Variants in SLC29A3 observed in about 807,000 individuals in gnomAD.
The protein encoded by SLC29A3 is equilibrative nucleoside transporter 3.
A neutral mutation model predicts 25.4 loss-of-function variants in SLC29A3; 18 were observed. The observed-to-expected ratio is 0.71, with a 90% CI of 0.49 to 1.05. The LOEUF (loss-of-function observed/expected upper bound fraction) is 1.05, where lower values mean the gene tolerates loss of function less well. SLC29A3 is among the 50% of genes least tolerant of loss of function. The pLI is 0.00. For synonymous variants in SLC29A3, 258 were observed against 267.1 expected, an observed-to-expected ratio of 0.97 and a Z score of 0.33; for missense variants, 586 against 609.0, an observed-to-expected ratio of 0.96 and a Z score of 0.40.
intron 1 of SLC29A3, among the ~76,000 whole-genome samples, chr10:71,322,236 G>A (rs3893272): frequency 0.042 from 6,351 of 151,950 alleles, 441 homozygotes; most frequent in African/African-American, 0.15. Flanking sequence ...ATACATATGT[G>A]TATGTATATT....
intron 3 of SLC29A3, 135 bp from the exon 4 acceptor site, chr10:71,351,427 G>A: frequency 5.6e-6 from 4 of 708,100 alleles, no homozygotes; most frequent in South Asian, 3.6e-5. Flanking sequence ...CAGGATTCGA[G>A]TGCAGGCCTC....
chr10:71,361,461 C>A (rs1330253871), intron 5 of SLC29A3, among the ~76,000 whole-genome samples: 1 of 152,174 alleles, frequency 6.6e-6, no homozygotes, highest in Non-Finnish European at 1.5e-5. Flanking sequence ...CATGCCCGGC[C>A]TAGAATGTTA....
Position 71,362,327 on chromosome 10 carries a change from G to C in SLC29A3, c.1147G>C (p.Val383Leu), listed in dbSNP as rs200001297. ...GPNSKALPGFVLLRTCLIPLF... is the reference protein window; with the variant it reads ...GPNSKALPGFLLLRTCLIPLF... ...CAATAGCAAGGCGCTCCCAGGGTTC[G>C]TGCTCCTCCGGACCTGCCTCATCCC... Residue 383 changes from valine (V) to leucine (L), a missense_variant, in exon 6 of 6, where the codon GTG (valine) becomes CTG (leucine). Transcript: ENST00000373189. The C allele has an allele frequency of 1.1e-5, 18 of 1,613,998 alleles. No homozygotes were observed. The highest frequency in any genetic ancestry group is 1.4e-5 in the Non-Finnish European group (17 of 1,180,030).
intron 2 of SLC29A3, among the ~76,000 whole-genome samples, chr10:71,330,435 A>T (rs1357078229): frequency 6.6e-6 from 1 of 152,196 alleles, no homozygotes; most frequent in Non-Finnish European, 1.5e-5. Context: ...AAGTCACAGG[A>T]TATCTATTTG....
intron 4 of SLC29A3, among the ~76,000 whole-genome samples, chr10:71,379,095 C>G (rs1448976278): frequency 1.3e-5 from 2 of 152,186 alleles, no homozygotes; most frequent in East Asian, 1.9e-4. Flanking sequence ...ATGTTGCCCC[C>G]CAACGGGGAA....
At chr10:71,361,814 G>A (rs1399759793) in intron 5 of SLC29A3, 140 bp from the exon 6 acceptor site, 2 of 968,680 alleles carry the variant, frequency 2.1e-6, no homozygotes, top group Admixed American at 2.1e-5. Flanking sequence ...GTCATCTCAG[G>A]GAACGCTGGA....
chr10:71,365,399 CT>C (rs1248072242), downstream of SLC29A3: 1 of 152,000 alleles, frequency 6.6e-6, no homozygotes, highest in Non-Finnish European at 1.5e-5. Flanking sequence ...GGGGAATGGG[CT>C]TTCAAAGAAG....
intron 2 of SLC29A3, among the ~76,000 whole-genome samples, chr10:71,337,823 C>G (rs1455246978): frequency 1.3e-5 from 2 of 152,218 alleles, no homozygotes; most frequent in Admixed American, 1.3e-4. Context: ...CGGAGCCTCT[C>G]AGTGTGGCGG....
chr10:71,331,579 T>C (rs983879490), intron 2 of SLC29A3, among the ~76,000 whole-genome samples: 2 of 152,180 alleles, frequency 1.3e-5, no homozygotes, highest in African/African-American at 4.8e-5. Context: ...CAGAAAAAGA[T>C]GCAGACAGCT....
rs139819571 is a variant in SLC29A3, at chr10:71,372,691, G to T, written c.*95-3004G>T. On this transcript the variant is annotated intron_variant and NMD_transcript_variant, in intron 3 of 4. Transcript: ENST00000642772. ...TGTTCCAGTTGAGGCCTCAGGAACC[G>T]GAAAGTCTTTAATGAAGCTAATGCA... Among the ~76,000 whole-genome samples the T allele has an allele frequency of 2.5e-3, 381 of 152,276 alleles. 1 individual carries two copies. The highest frequency in any genetic ancestry group is 8.4e-3 in the African/African-American group (351 of 41,554).
At chr10:71,320,560 A>G (rs1486419612) in intron 1 of SLC29A3, among the ~76,000 whole-genome samples, 1 of 152,124 alleles carries the variant, frequency 6.6e-6, no homozygotes, top group Non-Finnish European at 1.5e-5. Context: ...ATGTGGAAAA[A>G]GCGATTTTCC....
chr10:71,367,433 A>G (rs577396666), downstream of SLC29A3, among the ~76,000 whole-genome samples: 113 of 152,228 alleles, frequency 7.4e-4, no homozygotes, highest in African/African-American at 2.7e-3. Context: ...AATAGGGATA[A>G]TAGTAAGTCC....
Position 71,375,051 on chromosome 10 carries a change from G to A in SLC29A3, c.*95-644G>A, listed in dbSNP as rs11597585. ...GGCGATAATGCAGAGGAGGAATAGC[G>A]CAGGTGGGAGTACAGAAGTAGCAGG... is the stretch of plus-strand genomic sequence containing the variant. On this transcript the variant is annotated intron_variant and NMD_transcript_variant, in intron 3 of 4. Transcript: ENST00000642772. Among the ~76,000 whole-genome samples the A allele has an allele frequency of 1.1e-3, 173 of 152,308 alleles. 1 individual carries two copies. The highest frequency in any genetic ancestry group is 2.1e-3 in the Non-Finnish European group (145 of 68,014).
rs779969612 is a variant in SLC29A3, at chr10:71,362,070, C to G, written c.890C>G (p.Pro297Arg). 5 of 1,614,162 alleles carry G rather than the reference C, an allele frequency of 3.1e-6. No individual in the cohort carries two copies. The South Asian group carries it at 5.5e-5, about 18-fold the overall frequency. The change falls in exon 6 of 6, where the codon CCT becomes CGT. Residue 297 changes from proline to arginine, a missense_variant. Transcript: ENST00000373189. ...ASRFIDSHTP[P>R]LRPILKKTAS... Reference sequence around the variant, plus strand: ...AGATTCATTGATTCCCACACACCCCCTCTCCGCCCCATCCTGAAGAAGACG... The same window carrying G: ...AGATTCATTGATTCCCACACACCCCGTCTCCGCCCCATCCTGAAGAAGACG...
intron 5 of SLC29A3, among the ~76,000 whole-genome samples, chr10:71,360,078 G>A (rs1231717535): frequency 6.7e-6 from 1 of 149,540 alleles, no homozygotes; most frequent in Non-Finnish European, 1.5e-5. Context: ...CGTGCCTGAA[G>A]ATTTAGCTGG....
intron 2 of SLC29A3, among the ~76,000 whole-genome samples, chr10:71,337,504 G>A (rs1846283446): frequency 6.6e-6 from 1 of 152,216 alleles, no homozygotes. Context: ...GCCACCCCCA[G>A]GCTTGAATCG....
intron 2 of SLC29A3, among the ~76,000 whole-genome samples, chr10:71,329,287 C>T (rs139191357): frequency 1.1e-3 from 173 of 152,166 alleles, no homozygotes; most frequent in Middle Eastern, 6.8e-3. Context: ...GGCTGCACAT[C>T]GGGATCACCT....
In SLC29A3 at chr10:71,324,629, T is replaced by C. The variant is rs181019678; in HGVS notation, c.300+1575T>C. On this transcript the variant is annotated intron_variant, in intron 2 of 5. Coordinates refer to ENST00000373189, the MANE Select transcript of SLC29A3 (RefSeq NM_018344.6). ...AAACAAATGCTGATGGAAAATGTAC[T>C]ATTAGTGGAGTTCAAAACCTGATTA... is the stretch of plus-strand genomic sequence containing the variant. 2.4e-3 allele frequency among the ~76,000 whole-genome samples: 369 copies of C among 152,302 alleles called. 2 individuals are homozygous for C. The highest frequency in any genetic ancestry group is 8.2e-3 in the Admixed American group (126 of 15,302).
At chr10:71,329,418 A>G (rs944910204) in intron 2 of SLC29A3, among the ~76,000 whole-genome samples, 1 of 148,436 alleles carries the variant, frequency 6.7e-6, no homozygotes, top group Non-Finnish European at 1.5e-5. Flanking sequence ...TGATCGTGGC[A>G]CTGCACTCCA....
Sources: allele counts gnomAD v4.1 joint callset (sites outside exome capture counted in the v4.1 genomes callset), GRCh38; gene constraint gnomAD v4.1.1; transcripts MANE v1.5; gene names NCBI Gene and HGNC (gene_info 2026-07-23, HGNC 2026-07-21).